Variants in RFPL4B observed in about 807,000 individuals in gnomAD.
RFPL4B encodes the protein ret finger protein-like 4B.
For missense variants in RFPL4B, 314 were observed against 327.7 expected (o/e 0.96, Z 0.32); for synonymous variants, 118 against 126.3 (o/e 0.93, Z 0.44).
At position 112,348,142 on chromosome 6, in the gene RFPL4B, T is replaced by C. The variant is rs1027677925; in HGVS notation, c.-235+735T>C. ...GAAATGAACAACTTGTGAATAAGTG[T>C]AGCATTTTTTTTCTTTTGTAAAATT... On this transcript the variant is annotated intron_variant, in intron 1 of 2. Transcript: ENST00000441065. Among the ~76,000 whole-genome samples the C allele has an allele frequency of 5.3e-5, 8 of 152,248 alleles. No individual in the cohort carries two copies. The South Asian group carries it at 1.2e-3, about 24-fold the overall frequency.
rs758369710 is a variant in RFPL4B, at chr6:112,349,864, T to A, written c.156T>A (p.Cys52Ter). ...ATTTTAGAGCGATGTGCCCCTTGTG[T>A]CGAGACGTGGTGAAGGTACCTGCTT... ...NHDFRAMCPLCRDVVKVPALE... is the reference protein window; with the variant it reads ...NHDFRAMCPL The change falls in exon 3 of 3, where the codon TGT becomes TGA. Residue 52 changes from cysteine to a stop codon, truncating the protein, a stop_gained. Transcript: ENST00000441065. LOFTEE classifies it low-confidence loss of function (END_TRUNC). The A allele has an allele frequency of 6.2e-7, 1 of 1,614,138 alleles. No individual in the cohort carries two copies. The highest frequency in any genetic ancestry group is 1.7e-5 in the Admixed American group (1 of 60,014).
Position 112,350,431 on chromosome 6 carries a change from G to A in RFPL4B, c.723G>A (p.Leu241=), listed in dbSNP as rs1188908385. Residue 241 remains leucine, a synonymous_variant, in exon 3 of 3, where the codon TTG becomes TTA. Transcript: ENST00000441065. ...ATGGTTTCTTCTCTTTGGAGCTTTTGTGTCCATTCTTCTGTCTTGAGCTCT... is the reference window on the plus strand; with the variant it reads ...ATGGTTTCTTCTCTTTGGAGCTTTTATGTCCATTCTTCTGTCTTGAGCTCT... The part of the protein sequence containing the change: ...THDGFFSLEL[L]CPFFCLELLG... 6.2e-7 allele frequency: 1 copy of A among 1,613,346 alleles called. No individual in the cohort carries two copies. Among genetic ancestry groups the A allele is most frequent in the South Asian group, 1.1e-5 (1 of 91,060 alleles).
chr6:112,350,737 G>C lies in RFPL4B; in HGVS notation c.*237G>C, dbSNP rs1562146978. On this transcript the variant is annotated 3_prime_UTR_variant, in exon 3 of 3. Transcript: ENST00000441065. ...ATGTTATTAAGTACTGTAAGCTTCA[G>C]TTTTCTAGTCTGTAGATGCGGATAA... 2.3e-6 allele frequency: 1 copy of C among 434,266 alleles called. No homozygotes were observed. The highest frequency in any genetic ancestry group is 4.2e-6 in the Non-Finnish European group (1 of 237,376). The allele number at this position is 434,266 out of a possible 1,614,324, so 26.9% of individuals were successfully genotyped here.
chr6:112,350,487 C>A lies in RFPL4B; in HGVS notation c.779C>A (p.Thr260Asn). 6.3e-7 allele frequency: 1 copy of A among 1,581,136 alleles called. No individual in the cohort carries two copies. Among genetic ancestry groups the A allele is most frequent in the Non-Finnish European group, 8.6e-7 (1 of 1,161,664 alleles). ...LGEGESGNVLTICP is the reference protein window; with the variant it reads ...LGEGESGNVLNICP Reference sequence around the variant, plus strand: ...GAAGGGGAGAGTGGCAACGTCCTGACCATCTGCCCATGAGAAAGTCAGCCC... The same window carrying A: ...GAAGGGGAGAGTGGCAACGTCCTGAACATCTGCCCATGAGAAAGTCAGCCC... The change falls in exon 3 of 3, where the codon ACC becomes AAC. Residue 260 changes from threonine to asparagine, a missense_variant. Thr to Asn is a moderately conservative substitution (Grantham distance 65). Transcript: ENST00000441065.
intron 1 of RFPL4B, among the ~76,000 whole-genome samples, chr6:112,347,863 A>C (rs1186367927): frequency 6.6e-6 from 1 of 151,966 alleles, no homozygotes; most frequent in South Asian, 2.1e-4. Context: ...AATCCCAGCT[A>C]CTCAGGAGAC....
intron 1 of RFPL4B, among the ~76,000 whole-genome samples, chr6:112,348,309 G>A (rs528079460): frequency 6.6e-6 from 1 of 152,348 alleles, no homozygotes; most frequent in East Asian, 1.9e-4. Context: ...CATGAGATTG[G>A]AATGCTGATC....
Position 112,350,386 on chromosome 6 carries a change from T to C in RFPL4B, c.678T>C (p.Asn226=), listed in dbSNP as rs752890218. 4 of 1,614,166 alleles carry C rather than the reference T, an allele frequency of 2.5e-6. No individual in the cohort carries two copies. Among genetic ancestry groups the C allele is most frequent in the South Asian group, 2.2e-5 (2 of 91,082 alleles). The change falls in exon 3 of 3, where the codon AAT becomes AAC. Residue 226 remains asparagine, a synonymous_variant. Coordinates refer to ENST00000441065, the MANE Select transcript of RFPL4B (RefSeq NM_001013734.3). The part of the protein sequence containing the change: ...EEIQFFDVDN[N]VLIYTHDGFF... ...TCCAGTTTTTTGATGTTGACAATAA[T>C]GTCCTCATCTATACACATGATGGTT...
At position 112,350,525 on chromosome 6, in the gene RFPL4B, T is replaced by C; in HGVS notation, c.*25T>C. On this transcript the variant is annotated 3_prime_UTR_variant, in exon 3 of 3. Coordinates refer to ENST00000441065, the MANE Select transcript of RFPL4B (RefSeq NM_001013734.3). ...AGAAAGTCAGCCCTTCCTAGAAGCT[T>C]TCTGAGAGGTGAAAGAGAATTTTGG... The C allele has an allele frequency of 6.5e-7, 1 of 1,533,574 alleles. No homozygotes were observed. Among genetic ancestry groups the C allele is most frequent in the South Asian group, 1.3e-5 (1 of 77,900 alleles). The allele number at this position is 1,533,574 out of a possible 1,614,324, so 95.0% of individuals were successfully genotyped here.
intron 1 of RFPL4B, among the ~76,000 whole-genome samples, chr6:112,347,713 G>A (rs1789099478): frequency 1.3e-5 from 2 of 152,176 alleles, no homozygotes; most frequent in Admixed American, 6.5e-5. Flanking sequence ...GTTTTCGGCC[G>A]GGCGCCATGG....
chr6:112,349,582 T>C (rs1263735295), intron 2 of RFPL4B, 22 bp from the exon 3 acceptor site: 6 of 436,102 alleles, frequency 1.4e-5, no homozygotes, highest in African/African-American at 3.9e-5. Flanking sequence ...TATTAATTTA[T>C]ATTATTTAAT....
intron 1 of RFPL4B, among the ~76,000 whole-genome samples, chr6:112,348,739 A>G (rs1789113689): frequency 6.6e-6 from 1 of 152,278 alleles, no homozygotes; most frequent in Non-Finnish European, 1.5e-5. Flanking sequence ...CTGGTCCAAT[A>G]TGCTGTGCCC....
intron 1 of RFPL4B, among the ~76,000 whole-genome samples, chr6:112,348,086 T>C (rs1191873310): frequency 1.3e-5 from 2 of 152,378 alleles, no homozygotes; most frequent in East Asian, 3.9e-4. Context: ...AATTCGATTG[T>C]TCCTGATCAT....
At chr6:112,349,430 T>G (rs1789121293) in intron 2 of RFPL4B, 109 bp downstream of exon 2, 1 of 154,342 alleles carries the variant, frequency 6.5e-6, no homozygotes, top group Admixed American at 6.5e-5. Context: ...ACTACATTAC[T>G]GTGATTCTCT....
intron 1 of RFPL4B, among the ~76,000 whole-genome samples, chr6:112,347,974 C>CA (rs879611349): frequency 1.5e-3 from 195 of 127,642 alleles, no homozygotes; most frequent in Middle Eastern, 0.013. Flanking sequence ...GACTCCGTCT[C>CA]AAAAAAAAAA....
In RFPL4B at chr6:112,347,359, A is replaced by T. The variant is rs890731925; in HGVS notation, c.-283A>T. On this transcript the variant is annotated 5_prime_UTR_variant, in exon 1 of 3. Coordinates refer to ENST00000441065, the MANE Select transcript of RFPL4B (RefSeq NM_001013734.3). ...GGAGCAGAGGTCTGTAGAGGTAGAG[A>T]CGTAGGCTTCGGATCTTTTAGAATT... 1 of 152,192 alleles carries T rather than the reference A, an allele frequency of 6.6e-6. No individual in the cohort carries two copies. The highest frequency in any genetic ancestry group is 2.4e-5 in the African/African-American group (1 of 41,446). The allele number at this position is 152,192 out of a possible 1,614,324, so 9.4% of individuals were successfully genotyped here. A position where few individuals can be genotyped will look rare whatever the true frequency, so the allele number is the denominator to read the frequency against.
At chr6:112,348,498 C>T (rs1158236806) in intron 1 of RFPL4B, among the ~76,000 whole-genome samples, 2 of 152,198 alleles carry the variant, frequency 1.3e-5, no homozygotes, top group East Asian at 3.8e-4. Context: ...CTTAGGCTGG[C>T]CTCATCGGTG....
In RFPL4B at chr6:112,349,883, C is replaced by T. The variant is rs1256870852; in HGVS notation, c.175C>T (p.Pro59Ser). Reference sequence around the variant, plus strand: ...CTTGTGTCGAGACGTGGTGAAGGTACCTGCTTTGGAAGAATGGCAAGTGAG... The same window carrying T: ...CTTGTGTCGAGACGTGGTGAAGGTATCTGCTTTGGAAGAATGGCAAGTGAG... ...CPLCRDVVKV[P>S]ALEEWQVSVL... Residue 59 changes from proline (P) to serine (S), a missense_variant, in exon 3 of 3, where the codon CCT becomes TCT. Coordinates refer to ENST00000441065, the MANE Select transcript of RFPL4B (RefSeq NM_001013734.3). The T allele has an allele frequency of 1.2e-6, 2 of 1,614,104 alleles. No homozygotes were observed. The highest frequency in any genetic ancestry group is 1.1e-5 in the South Asian group (1 of 91,070).
rs555446520 is a variant in RFPL4B, at chr6:112,350,352, T to C, written c.644T>C (p.Leu215Ser). The change falls in exon 3 of 3, where the codon TTA becomes TCA. Residue 215 changes from leucine to serine, a missense_variant. Leu to Ser is a moderately radical substitution (Grantham distance 145). Transcript: ENST00000441065. ...GTGGGAATTTTCCTGGATGCTGACT[T>C]AGAAGAAATCCAGTTTTTTGATGTT... ...RRVGIFLDADLEEIQFFDVDN... is the reference protein window; with the variant it reads ...RRVGIFLDADSEEIQFFDVDN... The C allele has an allele frequency of 3.1e-6, 5 of 1,614,250 alleles. No homozygotes were observed. In the Admixed American group the frequency reaches 8.3e-5, roughly 27 times the overall value.
Position 112,350,348 on chromosome 6 carries a change from G to A in RFPL4B, c.640G>A (p.Asp214Asn). 1 of 1,614,244 alleles carries A rather than the reference G, an allele frequency of 6.2e-7. No homozygotes were observed. Among genetic ancestry groups the A allele is most frequent in the Non-Finnish European group, 8.5e-7 (1 of 1,180,048 alleles). The change falls in exon 3 of 3, where the codon GAC (aspartate) becomes AAC (asparagine). Residue 214 changes from aspartate to asparagine, a missense_variant. By Grantham distance (23) the Asp-to-Asn change is conservative. Coordinates refer to ENST00000441065, the MANE Select transcript of RFPL4B (RefSeq NM_001013734.3). ...LRRVGIFLDADLEEIQFFDVD... is the reference protein window; with the variant it reads ...LRRVGIFLDANLEEIQFFDVD... ...CCGTGTGGGAATTTTCCTGGATGCT[G>A]ACTTAGAAGAAATCCAGTTTTTTGA... is the stretch of plus-strand genomic sequence containing the variant.
Sources: allele counts gnomAD v4.1 joint callset (sites outside exome capture counted in the v4.1 genomes callset), GRCh38; gene constraint gnomAD v4.1.1; transcripts MANE v1.5; gene names NCBI Gene and HGNC (gene_info 2026-07-23, HGNC 2026-07-21).